Variants in ZFHX3 observed in about 807,000 individuals in gnomAD.
ZFHX3 encodes the protein zinc finger homeobox protein 3.
In ZFHX3, 42 loss-of-function variants were observed where a neutral mutation model predicts 279.1. The ratio of observed to expected loss-of-function variants is 0.15; its 90% CI spans 0.12 to 0.19. The LOEUF (loss-of-function observed/expected upper bound fraction) is 0.19, where lower values mean the gene tolerates loss of function less well. Ranked by LOEUF, ZFHX3 falls within the 10% of genes least tolerant of loss-of-function variation. ZFHX3 has a pLI of 1.00. For missense variants in ZFHX3, 4,981 were observed against 4,754.0 expected, an observed-to-expected ratio of 1.05 and a Z score of -1.40; for synonymous variants, 2,293 against 1,957.8, an observed-to-expected ratio of 1.17 and a Z score of -4.52.
intron 2 of ZFHX3, among the ~76,000 whole-genome samples, chr16:73,536,664 C>G (rs2019906909): frequency 6.6e-6 from 1 of 152,108 alleles, no homozygotes; most frequent in Non-Finnish European, 1.5e-5. Context: ...AAATGATACC[C>G]AGGACACACC....
rs188155199 is a variant in ZFHX3 at position 73,283,940 on chromosome 16, C to A, written c.-1193-26804G>T. 1.8e-3 allele frequency among the ~76,000 whole-genome samples: 281 copies of A among 151,962 alleles called. 4 individuals carry two copies. The highest frequency in any genetic ancestry group is 0.016 in the Admixed American group (246 of 15,268). On this transcript the variant is annotated intron_variant, in intron 4 of 17. Coordinates refer to the ZFHX3 transcript ENST00000641206. ...CTCCAGCCTGGGAAACAGAGTGAGA[C>A]CCTGTCTCAAAAAAGCCCTCTTATT... is the stretch of plus-strand genomic sequence containing the variant.
intron 3 of ZFHX3, among the ~76,000 whole-genome samples, chr16:73,340,943 A>G (rs2016020310): frequency 6.6e-6 from 1 of 152,240 alleles, no homozygotes; most frequent in South Asian, 2.1e-4. Context: ...TTGCATGAAA[A>G]AAACATCATA....
At chr16:73,302,016 G>A (rs555849428) in intron 4 of ZFHX3, among the ~76,000 whole-genome samples, 1 of 151,540 alleles carries the variant, frequency 6.6e-6, no homozygotes, top group African/African-American at 2.4e-5. Context: ...CCACACACGG[G>A]GACACCCTCT....
chr16:73,399,921 T>C (rs910788263), intron 3 of ZFHX3, among the ~76,000 whole-genome samples: 2 of 151,840 alleles, frequency 1.3e-5, no homozygotes, highest in South Asian at 2.1e-4. Flanking sequence ...AATGGAGTTA[T>C]TGCATTACTG....
chr16:73,064,809 G>A (rs1249197043), intron 8 of ZFHX3, among the ~76,000 whole-genome samples: 1 of 152,148 alleles, frequency 6.6e-6, no homozygotes, highest in Non-Finnish European at 1.5e-5. Context: ...ATGGAAATCT[G>A]AAATCCAACC....
At chr16:73,351,434 T>C (rs551291982) in intron 3 of ZFHX3, among the ~76,000 whole-genome samples, 1 of 152,296 alleles carries the variant, frequency 6.6e-6, no homozygotes, top group South Asian at 2.1e-4. Context: ...GGCCCCTGCA[T>C]TTAAACGCTG....
chr16:73,611,217 A>C (rs914627478), intron 2 of ZFHX3, among the ~76,000 whole-genome samples: 8 of 152,158 alleles, frequency 5.3e-5, no homozygotes, highest in African/African-American at 1.9e-4. Flanking sequence ...TAGGCAGGAC[A>C]ATCATTTATT....
At chr16:73,696,748 C>A (rs2053201287) in intron 1 of ZFHX3, among the ~76,000 whole-genome samples, 2 of 152,152 alleles carry the variant, frequency 1.3e-5, no homozygotes, top group Non-Finnish European at 2.9e-5. Context: ...CCACAGCAAT[C>A]CCCACACAAA....
intron 3 of ZFHX3, among the ~76,000 whole-genome samples, chr16:73,419,133 G>T (rs1476546354): frequency 6.6e-6 from 1 of 152,210 alleles, no homozygotes; most frequent in Non-Finnish European, 1.5e-5. Flanking sequence ...GCTTTCCACT[G>T]TGTTCTGTAC....
At chr16:73,671,179 C>G (rs1418680967) in intron 2 of ZFHX3, among the ~76,000 whole-genome samples, 3 of 152,236 alleles carry the variant, frequency 2.0e-5, no homozygotes, top group African/African-American at 7.2e-5. Context: ...ATTTCCAAGA[C>G]TTCTGGGGAG....
At chr16:73,011,259 C>T (rs1287033896) in intron 1 of ZFHX3, among the ~76,000 whole-genome samples, 1 of 151,894 alleles carries the variant, frequency 6.6e-6, no homozygotes, top group Non-Finnish European at 1.5e-5. Flanking sequence ...GCTGGGATTA[C>T]AGACCTGAAC....
At chr16:73,781,300 C>A (rs1959463137) in intron 1 of ZFHX3, among the ~76,000 whole-genome samples, 1 of 152,176 alleles carries the variant, frequency 6.6e-6, no homozygotes, top group African/African-American at 2.4e-5. Context: ...GCTCTACCCC[C>A]AAAGATTGTG....
intron 6 of ZFHX3, among the ~76,000 whole-genome samples, chr16:73,141,038 C>T (rs1157192604): frequency 2.0e-5 from 3 of 152,150 alleles, no homozygotes; most frequent in Non-Finnish European, 4.4e-5. Flanking sequence ...TAATATGCTG[C>T]CACTTACACT....
chr16:73,389,094 ACACT>A (rs1224677599), intron 3 of ZFHX3: 2 of 152,210 alleles, frequency 1.3e-5, no homozygotes, highest in African/African-American at 4.8e-5. Context: ...TATCAGTGTG[ACACT>A]CACACATACG....
At chr16:73,271,430 G>A (rs568854658) in intron 4 of ZFHX3, among the ~76,000 whole-genome samples, 9 of 152,302 alleles carry the variant, frequency 5.9e-5, no homozygotes, top group Admixed American at 2.0e-4. Flanking sequence ...AGCCCAGGCT[G>A]CTCCGGAGGG....
At chr16:73,530,450 T>C (rs1412060362) in intron 2 of ZFHX3, among the ~76,000 whole-genome samples, 1 of 152,200 alleles carries the variant, frequency 6.6e-6, no homozygotes, top group Non-Finnish European at 1.5e-5. Flanking sequence ...TTTCCACGTC[T>C]GATAAACTAC....
At chr16:73,058,191 C>A (rs1751773468) in intron 1 of ZFHX3, among the ~76,000 whole-genome samples, 1 of 145,036 alleles carries the variant, frequency 6.9e-6, no homozygotes, top group Non-Finnish European at 1.5e-5. Context: ...GGGTCGCCGG[C>A]GGCCGGCGGC....
chr16:73,246,604 T>C (rs1241919314), intron 5 of ZFHX3, among the ~76,000 whole-genome samples: 6 of 152,104 alleles, frequency 3.9e-5, no homozygotes, highest in Non-Finnish European at 8.8e-5. Flanking sequence ...TAATCTCTAT[T>C]TGCTGTTCAT....
intron 4 of ZFHX3, among the ~76,000 whole-genome samples, chr16:73,266,705 A>C (rs1234303149): frequency 1.3e-5 from 2 of 152,166 alleles, no homozygotes; most frequent in Non-Finnish European, 2.9e-5. Flanking sequence ...AATCCTGGGA[A>C]TGGAGCTTTT....
Sources: gnomAD v4.1 joint callset for allele counts (sites outside exome capture counted in the v4.1 genomes callset) on GRCh38, gnomAD v4.1.1 for gene constraint, MANE v1.5 for transcripts, NCBI Gene and HGNC (gene_info 2026-07-23, HGNC 2026-07-21) for gene names.